The following TMCO1 variants were observed in gnomAD, a reference collection of about 807,000 sequenced individuals.
TMCO1 encodes the protein calcium load-activated calcium channel.
Under a neutral mutation model 29.3 loss-of-function variants are expected in TMCO1, and 29 were observed. The ratio of observed to expected loss-of-function variants is 0.99; its 90% CI spans 0.74 to 1.35. The LOEUF is 1.35. TMCO1 is among the 40% of genes most tolerant of loss of function. The pLI is 0.00. For missense variants in TMCO1, 173 were observed against 225.5 expected (o/e 0.77, Z 1.49); for synonymous variants, 80 against 77.1 (o/e 1.04, Z -0.20).
At chr1:165,728,289 C>T (rs1157805673) in intron 6 of TMCO1, among the ~76,000 whole-genome samples, 168 bp from the exon 7 acceptor site, 2 of 151,172 alleles carry the variant, frequency 1.3e-5, no homozygotes, top group African/African-American at 4.9e-5. Context: ...TGGAGTCTCG[C>T]TCTGTCACCC....
intron 4 of TMCO1, among the ~76,000 whole-genome samples, chr1:165,753,721 G>A (rs926341315): frequency 6.6e-6 from 1 of 152,104 alleles, no homozygotes; most frequent in African/African-American, 2.4e-5. Context: ...TGAGACAAGA[G>A]GGTCCCTAGA....
intron 4 of TMCO1, among the ~76,000 whole-genome samples, chr1:165,753,574 AGCCCAGGAATTCAAGATCAGTGT>A (rs1437016489): frequency 7.5e-4 from 113 of 151,274 alleles, no homozygotes; most frequent in African/African-American, 2.7e-3. Flanking sequence ...CCATCACTTG[AGCCCAGGAATTCAAGATCAGTGT>A]GCCCAGGAAT....
intron 6 of TMCO1, among the ~76,000 whole-genome samples, chr1:165,740,189 T>G (rs1315718267): frequency 6.6e-6 from 1 of 151,926 alleles, no homozygotes. Flanking sequence ...CATCGTGTGT[T>G]TTTATGTTTT....
intron 5 of TMCO1, among the ~76,000 whole-genome samples, chr1:165,749,421 C>T (rs936646311): frequency 1.3e-5 from 2 of 152,142 alleles, no homozygotes; most frequent in Non-Finnish European, 1.5e-5. Flanking sequence ...ATTTATTCAA[C>T]TACGTGATAT....
downstream of TMCO1, chr1:165,726,270 C>T (rs1206244964): frequency 1.4e-6 from 1 of 697,406 alleles, no homozygotes; most frequent in Non-Finnish European, 2.6e-6. Flanking sequence ...AAACTAGTCT[C>T]AGAATAGGGA....
At chr1:165,734,755 G>T (rs1043764182) in intron 6 of TMCO1, among the ~76,000 whole-genome samples, 1 of 152,088 alleles carries the variant, frequency 6.6e-6, no homozygotes, top group African/African-American at 2.4e-5. Flanking sequence ...CACCTGCCTT[G>T]GCCTCCCAAA....
intron 3 of TMCO1, among the ~76,000 whole-genome samples, chr1:165,756,227 G>T (rs557648567): frequency 1.3e-5 from 2 of 152,158 alleles, no homozygotes; most frequent in Non-Finnish European, 2.9e-5. Flanking sequence ...AAGGACACAA[G>T]CATCTGGAGC....
chr1:165,724,716 T>C, downstream of TMCO1: 2 of 453,648 alleles, frequency 4.4e-6, no homozygotes, highest in Non-Finnish European at 4.4e-6. Flanking sequence ...CCTTACTTGG[T>C]TCCTGATTCC....
Position 165,752,251 on chromosome 1 carries a change from CATTT to C in TMCO1, c.256-86_256-83del, listed in dbSNP as rs879118280. 1,657 of 668,540 alleles carry C rather than the reference CATTT, an allele frequency of 2.5e-3. 7 individuals carry two copies. Among genetic ancestry groups the C allele is most frequent in the East Asian group, 6.7e-3 (176 of 26,092 alleles). The allele number at this position is 668,540 out of a possible 1,614,324, so 41.4% of individuals were successfully genotyped here. A position where few individuals can be genotyped will look rare whatever the true frequency, so the allele number is the denominator to read the frequency against. ...TATCTCAAAAGTTTTGGTTTCATGTCATTTTTTTTTTTTTTTTTTTTGAGGCAGA... is the reference window on the plus strand; with the variant it reads ...TATCTCAAAAGTTTTGGTTTCATGTCTTTTTTTTTTTTTTTTTGAGGCAGA... On this transcript the variant is annotated intron_variant, in intron 4 of 6. Coordinates refer to ENST00000367881, the MANE Select transcript of TMCO1 (RefSeq NM_019026.6).
At chr1:165,744,471 G>A (rs188104943) in intron 5 of TMCO1, among the ~76,000 whole-genome samples, 2 of 152,274 alleles carry the variant, frequency 1.3e-5, no homozygotes, top group East Asian at 3.9e-4. Flanking sequence ...TGTATTAGGA[G>A]AGAAGTTATG....
In TMCO1 at chr1:165,735,511, ATT is replaced by A. The variant is rs34062484; in HGVS notation, c.469-7392_469-7391del. On this transcript the variant is annotated intron_variant, in intron 6 of 6. Coordinates refer to ENST00000367881, the MANE Select transcript of TMCO1 (RefSeq NM_019026.6). ...AACTCTGCCCCCAAATCTCTGCTTA[ATT>A]TTTTTTTTTTTTTTTTTTGGAGACA... Among the ~76,000 whole-genome samples, 187 of 110,254 alleles carry A rather than the reference ATT, an allele frequency of 1.7e-3. 1 individual carries two copies. The highest frequency in any genetic ancestry group is 1.7e-3 in the Non-Finnish European group (91 of 52,740). 72.3% of individuals were successfully genotyped at this position (110,254 alleles called of 152,430 possible). A position where few individuals can be genotyped will look rare whatever the true frequency, so the allele number is the denominator to read the frequency against.
rs927656894 is a variant in TMCO1, at chr1:165,757,431, A to G, written c.208+2094T>C. 2.0e-5 allele frequency among the ~76,000 whole-genome samples: 3 copies of G among 152,258 alleles called. No individual in the cohort carries two copies. The South Asian group carries it at 6.2e-4, about 31-fold the overall frequency. On this transcript the variant is annotated intron_variant, in intron 3 of 6. Transcript: ENST00000367881. ...TAGAGAATGGATAGATCATCTTTCA[A>G]GCAATTCTTCATAAATATTACATCT...
chr1:165,738,667 T>C (rs1651477734), intron 6 of TMCO1, among the ~76,000 whole-genome samples: 1 of 152,156 alleles, frequency 6.6e-6, no homozygotes, highest in Non-Finnish European at 1.5e-5. Flanking sequence ...CAGTGAGTAA[T>C]AGGTAGAGAA....
At position 165,727,392 on chromosome 1, in the gene TMCO1, A is replaced by G. The variant is rs1213695759; in HGVS notation, c.*631T>C. ...TTTCCACTCTTGCTTTCCAATTCCTACACCAAGACAACTCTGTATTTTGAG... is the reference window on the plus strand; with the variant it reads ...TTTCCACTCTTGCTTTCCAATTCCTGCACCAAGACAACTCTGTATTTTGAG... On this transcript the variant is annotated 3_prime_UTR_variant, in exon 7 of 7. Transcript: ENST00000367881. 1 of 454,042 alleles carries G rather than the reference A, an allele frequency of 2.2e-6. No individual in the cohort carries two copies. Among genetic ancestry groups the G allele is most frequent in the South Asian group, 1.6e-5 (1 of 64,470 alleles). The allele number at this position is 454,042 out of a possible 1,614,324, so 28.1% of individuals were successfully genotyped here. A position where few individuals can be genotyped will look rare whatever the true frequency, so the allele number is the denominator to read the frequency against.
At chr1:165,733,762 A>G (rs1411766213) in intron 6 of TMCO1, among the ~76,000 whole-genome samples, 1 of 152,258 alleles carries the variant, frequency 6.6e-6, no homozygotes, top group Non-Finnish European at 1.5e-5. Flanking sequence ...CCAGTCCTGT[A>G]TAACAGGGTA....
chr1:165,764,621 G>A (rs1571233434), intron 2 of TMCO1, among the ~76,000 whole-genome samples: 1 of 152,054 alleles, frequency 6.6e-6, no homozygotes, highest in Admixed American at 6.6e-5. Context: ...TAGCCCAGAG[G>A]ACAGAAAAAA....
rs1651667044 is a variant in TMCO1, at chr1:165,743,258, T to C, written c.377A>G (p.Gln126Arg). The C allele has an allele frequency of 6.2e-7, 1 of 1,613,614 alleles. No homozygotes were observed. Among genetic ancestry groups the C allele is most frequent in the African/African-American group, 1.3e-5 (1 of 74,898 alleles). The change falls in exon 6 of 7, where the codon CAA becomes CGA. Residue 126 changes from glutamine (Q) to arginine (R), a missense_variant. Transcript: ENST00000367881. ...KLPFTPLSYI[Q>R]GLSHRNLLGD... ...CAGCAGATTTCGATGAGACAGTCCTTGGATGTAAGAAAGAGGGGTAAAAGG... is the reference window on the plus strand; with the variant it reads ...CAGCAGATTTCGATGAGACAGTCCTCGGATGTAAGAAAGAGGGGTAAAAGG...
chr1:165,742,288 G>A (rs570833427), intron 6 of TMCO1, among the ~76,000 whole-genome samples: 1 of 151,404 alleles, frequency 6.6e-6, no homozygotes, highest in Admixed American at 6.6e-5. Context: ...TTTGAGACAG[G>A]GTCCCGCTCT....
intron 6 of TMCO1, among the ~76,000 whole-genome samples, chr1:165,738,689 T>C (rs1236237196): frequency 6.6e-6 from 1 of 152,196 alleles, no homozygotes; most frequent in Non-Finnish European, 1.5e-5. Context: ...CAATTTATAA[T>C]TAATAAAACA....
Sources: allele counts gnomAD v4.1 joint callset (sites outside exome capture counted in the v4.1 genomes callset), GRCh38; gene constraint gnomAD v4.1.1; transcripts MANE v1.5; gene names NCBI Gene and HGNC (gene_info 2026-07-23, HGNC 2026-07-21).